The following PALD1 variants were observed in gnomAD, a reference collection of about 807,000 sequenced individuals.
The protein encoded by PALD1 is paladin.
Under a neutral mutation model 96.0 loss-of-function variants are expected in PALD1, and 57 were observed. The observed-to-expected ratio is 0.59, with a 90% confidence interval of 0.48 to 0.74. The LOEUF (loss-of-function observed/expected upper bound fraction) is 0.74. Ranked by LOEUF, PALD1 falls within the 30% of genes least tolerant of loss-of-function variation. PALD1 has a pLI of 0.00. For missense variants in PALD1, 1,063 were observed against 1,143.7 expected, an observed-to-expected ratio of 0.93 and a Z score of 1.02; for synonymous variants, 464 against 473.6, an observed-to-expected ratio of 0.98 and a Z score of 0.26.
intron 10 of PALD1, among the ~76,000 whole-genome samples, chr10:70,535,505 C>G (rs1847093498): frequency 1.5e-5 from 2 of 132,328 alleles, no homozygotes; most frequent in South Asian, 2.7e-4. Flanking sequence ...CCCTCTCTTC[C>G]TCTTTCTCCG....
At chr10:70,555,813 A>G (rs536525382) in intron 18 of PALD1, among the ~76,000 whole-genome samples, 5 of 152,298 alleles carry the variant, frequency 3.3e-5, no homozygotes, top group Non-Finnish European at 7.3e-5. Context: ...CATCCTTGCT[A>G]ACACGGTGAA....
intron 1 of PALD1, among the ~76,000 whole-genome samples, chr10:70,506,417 G>A (rs1846393304): frequency 6.6e-6 from 1 of 152,192 alleles, no homozygotes; most frequent in African/African-American, 2.4e-5. Context: ...CTGGAAGGAA[G>A]GCGCTGGGCC....
the PALD1 span, among the ~76,000 whole-genome samples, chr10:70,471,623 A>G: frequency 1.3e-5 from 2 of 152,202 alleles, no homozygotes; most frequent in Non-Finnish European, 2.9e-5. Context: ...AGACCTTTCA[A>G]TCTTCTCTTT....
rs542737648 is a variant in PALD1 at position 70,497,846 on chromosome 10, A to G, written c.-30+18787A>G. ...CGCCTTGGCCTCCCAAAGTGCTGGGATTATAGGCGGGAGCCATGTGCCTGG... is the reference window on the plus strand; with the variant it reads ...CGCCTTGGCCTCCCAAAGTGCTGGGGTTATAGGCGGGAGCCATGTGCCTGG... On this transcript the variant is annotated intron_variant, in intron 1 of 19. Transcript: ENST00000263563. Among the ~76,000 whole-genome samples the G allele has an allele frequency of 5.9e-5, 9 of 152,260 alleles. No individual in the cohort carries two copies. The East Asian group carries it at 1.4e-3, about 23-fold the overall frequency.
chr10:70,469,130 G>A, the PALD1 span, among the ~76,000 whole-genome samples: 1 of 152,128 alleles, frequency 6.6e-6, no homozygotes, highest in Non-Finnish European at 1.5e-5. Flanking sequence ...CTGGAGTTGG[G>A]AACATCTCAC....
chr10:70,533,380 T>C (rs1371328945), intron 7 of PALD1, among the ~76,000 whole-genome samples: 2 of 148,900 alleles, frequency 1.3e-5, no homozygotes, highest in Non-Finnish European at 3.0e-5. Context: ...TCTGTGTGTG[T>C]ATGTGTTTGT....
Position 70,566,755 on chromosome 10 carries a change from C to T in PALD1, c.*22C>T, listed in dbSNP as rs976960583. 1 of 1,531,968 alleles carries T rather than the reference C, an allele frequency of 6.5e-7. No individual in the cohort carries two copies. The highest frequency in any genetic ancestry group is 8.9e-7 in the Non-Finnish European group (1 of 1,128,118). 94.9% of individuals were successfully genotyped at this position (1,531,968 alleles called of 1,614,324 possible). On this transcript the variant is annotated 3_prime_UTR_variant, in exon 20 of 20. Transcript: ENST00000263563. ...GTAGGGGGCCTTACTCCCTGTCCCC[C>T]CACCCACAGGGCCCCACGCAGGCCT...
chr10:70,566,011 A>G (rs1336426253), intron 19 of PALD1, among the ~76,000 whole-genome samples: 1 of 152,138 alleles, frequency 6.6e-6, no homozygotes, highest in African/African-American at 2.4e-5. Context: ...GGTAGCAGTG[A>G]GGGAGGCCCC....
intron 17 of PALD1, among the ~76,000 whole-genome samples, chr10:70,544,524 G>A (rs1206756389): frequency 6.6e-6 from 1 of 152,110 alleles, no homozygotes; most frequent in Non-Finnish European, 1.5e-5. Context: ...GGGGCTGCAG[G>A]GTGAGCAGGA....
the PALD1 span, among the ~76,000 whole-genome samples, chr10:70,470,767 C>G: frequency 6.6e-6 from 1 of 150,856 alleles, no homozygotes; most frequent in Non-Finnish European, 1.5e-5. Flanking sequence ...CACCACCACG[C>G]CCAGGAAATT....
At chr10:70,506,037 AT>A (rs1340452223) in intron 1 of PALD1, among the ~76,000 whole-genome samples, 1 of 151,944 alleles carries the variant, frequency 6.6e-6, no homozygotes, top group Non-Finnish European at 1.5e-5. Flanking sequence ...AAAAAATAGT[AT>A]TCTTTGGACT....
Position 70,520,967 on chromosome 10 carries a change from C to T in PALD1, c.-29-4956C>T, listed in dbSNP as rs530606813. Among the ~76,000 whole-genome samples, 20 of 152,296 alleles carry T rather than the reference C, an allele frequency of 1.3e-4. No homozygotes were observed. In the South Asian group the frequency reaches 3.9e-3, roughly 30 times the overall value. ...TCAGCCTCCCAAAATGCTGGGATTA[C>T]AGGCGTGAGCCACCGCGCCCGGCCA... is the stretch of plus-strand genomic sequence containing the variant. On this transcript the variant is annotated intron_variant, in intron 1 of 19. Coordinates refer to ENST00000263563, the MANE Select transcript of PALD1 (RefSeq NM_014431.3).
At chr10:70,541,004 G>A (rs1454445754) in intron 15 of PALD1, 98 bp from the exon 16 acceptor site, 9 of 1,354,822 alleles carry the variant, frequency 6.6e-6, no homozygotes, top group South Asian at 1.4e-5. Context: ...TTTCTGGCCC[G>A]AGGACAGTGG....
chr10:70,540,493 C>T lies in PALD1; in HGVS notation c.1909-609C>T, dbSNP rs568882221. 1.1e-4 allele frequency among the ~76,000 whole-genome samples: 16 copies of T among 151,742 alleles called. No individual in the cohort carries two copies. Among genetic ancestry groups the T allele is most frequent in the African/African-American group, 3.9e-4 (16 of 41,352 alleles). ...GTGTGTGTTTACCGGACGTGGATCC[C>T]TGTGTGGTGCGTGTGTCTGGCGTGT... is the stretch of plus-strand genomic sequence containing the variant. On this transcript the variant is annotated intron_variant, in intron 15 of 19. Coordinates refer to ENST00000263563, the MANE Select transcript of PALD1 (RefSeq NM_014431.3). This position sits in a 1 kb window ranked among gnomAD's most constrained non-coding sequence, Gnocchi z 4.2.
At chr10:70,537,719 G>A in intron 10 of PALD1, 92 bp from the exon 11 acceptor site, 2 of 806,232 alleles carry the variant, frequency 2.5e-6, no homozygotes, top group South Asian at 1.5e-5. Context: ...CTTCTGGGGA[G>A]TTCCAAGGCT....
intron 1 of PALD1, among the ~76,000 whole-genome samples, chr10:70,520,465 G>C (rs1405333675): frequency 6.6e-6 from 1 of 152,126 alleles, no homozygotes; most frequent in Non-Finnish European, 1.5e-5. Context: ...CCTACCCCAG[G>C]GCCCAGAATG....
intron 1 of PALD1, among the ~76,000 whole-genome samples, chr10:70,499,492 G>T (rs959203221): frequency 6.6e-6 from 1 of 152,240 alleles, no homozygotes; most frequent in Non-Finnish European, 1.5e-5. Context: ...CTTGGCCTGG[G>T]GTGGCCACAC....
intron 10 of PALD1, among the ~76,000 whole-genome samples, chr10:70,535,124 C>T (rs1239186128): frequency 6.6e-6 from 1 of 152,218 alleles, no homozygotes; most frequent in Non-Finnish European, 1.5e-5. Context: ...CCCCTGGACT[C>T]AGATACTCCC....
chr10:70,472,178 T>C, the PALD1 span, among the ~76,000 whole-genome samples: 1 of 152,178 alleles, frequency 6.6e-6, no homozygotes, highest in Non-Finnish European at 1.5e-5. Context: ...AGCATCTTCA[T>C]AAAGGGCTCT....
Sources: gnomAD v4.1 joint callset for allele counts (sites outside exome capture counted in the v4.1 genomes callset) on GRCh38, gnomAD v4.1.1 for gene constraint, Gnocchi (gnomAD v3.1) non-coding constraint, MANE v1.5 for transcripts, NCBI Gene and HGNC (gene_info 2026-07-23, HGNC 2026-07-21) for gene names.